The following RBPMS variants were observed in gnomAD, a reference collection of about 807,000 sequenced individuals.
RBPMS encodes RNA-binding protein with multiple splicing.
In RBPMS, 7 loss-of-function variants were observed where a neutral mutation model predicts 26.8. The ratio of observed to expected loss-of-function variants is 0.26; its 90% CI spans 0.15 to 0.49. RBPMS has a LOEUF of 0.49. Ranked by LOEUF, RBPMS falls within the 20% of genes least tolerant of loss-of-function variation. The pLI, the probability that RBPMS is intolerant of heterozygous loss-of-function variation, is 0.98. For synonymous variants in RBPMS, 96 were observed against 93.3 expected (o/e 1.03, Z -0.17); for missense variants, 186 against 250.0 (o/e 0.74, Z 1.73).
chr8:30,511,716 C>T (rs1228302591), intron 5 of RBPMS, among the ~76,000 whole-genome samples: 2 of 151,014 alleles, frequency 1.3e-5, no homozygotes, highest in Admixed American at 6.6e-5. Context: ...CCCAGCTACT[C>T]AGGAGGCTGA....
intron 8 of RBPMS, among the ~76,000 whole-genome samples, chr8:30,570,050 A>G (rs779464073): frequency 9.9e-5 from 15 of 152,194 alleles, no homozygotes; most frequent in Non-Finnish European, 1.6e-4. Context: ...CACAGGTCAG[A>G]TACAAATTGG....
intron 6 of RBPMS, chr8:30,544,961 T>G: frequency 6.9e-7 from 1 of 1,459,292 alleles, no homozygotes; most frequent in East Asian, 2.5e-5. Context: ...CGTGTGTGCC[T>G]TGTGTGGAAG....
rs76461435 is a variant in RBPMS at position 30,451,934 on chromosome 8, A to G, written c.67-22845A>G. Among the ~76,000 whole-genome samples, 490 of 152,324 alleles carry G rather than the reference A, an allele frequency of 3.2e-3. 3 individuals carry two copies. The highest frequency in any genetic ancestry group is 5.3e-3 in the Non-Finnish European group (360 of 68,036). ...TTTTCTATCATATTTCAGCCACAGTATCATTTCAGGTGTCCCTCAGAAAGA... is the reference window on the plus strand; with the variant it reads ...TTTTCTATCATATTTCAGCCACAGTGTCATTTCAGGTGTCCCTCAGAAAGA... On this transcript the variant is annotated intron_variant, in intron 1 of 8. Transcript: ENST00000397323.
At chr8:30,486,167 G>A (rs1818743285) in intron 4 of RBPMS, among the ~76,000 whole-genome samples, 1 of 152,032 alleles carries the variant, frequency 6.6e-6, no homozygotes, top group Admixed American at 6.5e-5. Flanking sequence ...GTCCAACATG[G>A]TGAAACCCTG....
chr8:30,557,132 G>A (rs1827001490), intron 6 of RBPMS, among the ~76,000 whole-genome samples: 1 of 152,176 alleles, frequency 6.6e-6, no homozygotes. Flanking sequence ...TCTGATCGCT[G>A]GTCATATCTG....
chr8:30,520,548 T>TA (rs1822921746), intron 5 of RBPMS, among the ~76,000 whole-genome samples: 4 of 152,118 alleles, frequency 2.6e-5, no homozygotes, highest in African/African-American at 4.8e-5. Flanking sequence ...TGTCCATCAT[T>TA]TGTAGGAATG....
intron 6 of RBPMS, 122 bp downstream of exon 6, chr8:30,544,746 T>A (rs1202842276): frequency 6.2e-7 from 1 of 1,600,134 alleles, no homozygotes; most frequent in Non-Finnish European, 8.5e-7. Flanking sequence ...CTCAAGAGAT[T>A]AATGATCCCC....
At chr8:30,554,946 A>G (rs1028867619) in intron 6 of RBPMS, among the ~76,000 whole-genome samples, 4 of 152,190 alleles carry the variant, frequency 2.6e-5, no homozygotes, top group African/African-American at 7.2e-5. Context: ...CCAGTCACTC[A>G]CCACTGCAGA....
chr8:30,536,268 T>C (rs997077920), intron 5 of RBPMS, among the ~76,000 whole-genome samples: 2 of 152,066 alleles, frequency 1.3e-5, no homozygotes, highest in African/African-American at 4.8e-5. Context: ...GCTAGGATTA[T>C]AGGCATGTGC....
intron 1 of RBPMS, among the ~76,000 whole-genome samples, chr8:30,463,462 C>A (rs10107489): frequency 1 from 152,096 of 152,368 alleles, 75,912 homozygotes; most frequent in Non-Finnish European, 1. Context: ...ACCACCCCAT[C>A]GGGTTAAAAT....
intron 1 of RBPMS, among the ~76,000 whole-genome samples, chr8:30,474,090 T>G (rs1817436243): frequency 7.1e-6 from 1 of 140,330 alleles, no homozygotes; most frequent in Non-Finnish European, 1.6e-5. Flanking sequence ...ACTTAAAATT[T>G]AAAAAACAAC....
intron 1 of RBPMS, among the ~76,000 whole-genome samples, chr8:30,463,588 C>A (rs1816186685): frequency 6.6e-6 from 1 of 152,238 alleles, no homozygotes; most frequent in African/African-American, 2.4e-5. Flanking sequence ...ACTGTCACTT[C>A]TGCCATACTC....
intron 1 of RBPMS, among the ~76,000 whole-genome samples, chr8:30,393,254 T>C (rs2150551789): frequency 6.6e-6 from 1 of 152,142 alleles, no homozygotes; most frequent in African/African-American, 2.4e-5. Context: ...TTTTTTTTGC[T>C]TTGCTCAAAA....
chr8:30,420,724 C>T (rs1430918259), intron 1 of RBPMS, among the ~76,000 whole-genome samples: 1 of 152,178 alleles, frequency 6.6e-6, no homozygotes, highest in East Asian at 1.9e-4. Flanking sequence ...TGCAGGGAAT[C>T]AACCTATTAG....
intron 7 of RBPMS, chr8:30,562,165 T>C (rs1827547261): frequency 2.5e-6 from 1 of 397,088 alleles, no homozygotes; most frequent in Non-Finnish European, 3.4e-6. Flanking sequence ...ACCCCGTCTC[T>C]ACTAAAAATA....
chr8:30,516,339 C>T (rs917296370), intron 5 of RBPMS, among the ~76,000 whole-genome samples: 2 of 152,122 alleles, frequency 1.3e-5, no homozygotes, highest in South Asian at 2.1e-4. Flanking sequence ...GAGCTGAGAT[C>T]GTGCCACTGT....
intron 2 of RBPMS, among the ~76,000 whole-genome samples, 194 bp downstream of exon 2, chr8:30,475,050 A>G (rs376158880): frequency 2.0e-5 from 3 of 152,248 alleles, no homozygotes; most frequent in African/African-American, 7.2e-5. Flanking sequence ...TATATTTCAA[A>G]TGCAGTAATG....
intron 5 of RBPMS, among the ~76,000 whole-genome samples, chr8:30,528,744 T>C (rs773990805): frequency 2.0e-5 from 3 of 152,126 alleles, no homozygotes; most frequent in Non-Finnish European, 4.4e-5. Flanking sequence ...ATGGTCACAT[T>C]TGGTAAGCTG....
chr8:30,446,048 C>T (rs927065294), intron 1 of RBPMS, among the ~76,000 whole-genome samples: 1 of 152,184 alleles, frequency 6.6e-6, no homozygotes, highest in Non-Finnish European at 1.5e-5. Context: ...TGAAAAACAA[C>T]TTGGAGCATT....
Sources: allele counts gnomAD v4.1 joint callset (sites outside exome capture counted in the v4.1 genomes callset), GRCh38; gene constraint gnomAD v4.1.1; transcripts MANE v1.5; gene names NCBI Gene and HGNC (gene_info 2026-07-23, HGNC 2026-07-21).